SLC38A4: variants seen among roughly 807,000 people sequenced by gnomAD.
SLC38A4 encodes the protein sodium-coupled neutral amino acid transporter 4.
SLC38A4 carries 20 observed loss-of-function variants against 63.1 expected under a neutral mutation model. The observed-to-expected ratio is 0.32, with a 90% CI of 0.22 to 0.46. The LOEUF (loss-of-function observed/expected upper bound fraction) is 0.46. SLC38A4 is among the 20% of genes least tolerant of loss of function. The pLI, the probability that SLC38A4 is intolerant of heterozygous loss-of-function variation, is 1.00. For missense variants in SLC38A4, 526 were observed against 663.6 expected (o/e 0.79, Z 2.28); for synonymous variants, 230 against 225.5 (o/e 1.02, Z -0.18).
At chr12:46,831,461 C>T (rs1202601417) in intron 1 of SLC38A4, among the ~76,000 whole-genome samples, 2 of 152,262 alleles carry the variant, frequency 1.3e-5, no homozygotes, top group African/African-American at 4.8e-5. Flanking sequence ...ACTATCCGTC[C>T]CCGTTCGCAT....
intron 3 of SLC38A4, among the ~76,000 whole-genome samples, chr12:46,792,277 C>A (rs1045529885): frequency 1.3e-5 from 2 of 152,056 alleles, no homozygotes; most frequent in Admixed American, 6.6e-5. Context: ...TAAGGTCAAA[C>A]CAACTGGATA....
At chr12:46,810,379 G>A in intron 1 of SLC38A4, among the ~76,000 whole-genome samples, 1 of 151,802 alleles carries the variant, frequency 6.6e-6, no homozygotes. Flanking sequence ...TCACACACCG[G>A]GGCTGTCGGT....
At chr12:46,829,200 C>G (rs1026044399), upstream of SLC38A4, among the ~76,000 whole-genome samples, 35 of 152,122 alleles carry the variant, frequency 2.3e-4, no homozygotes, top group Middle Eastern at 6.3e-3. Flanking sequence ...CATTAAAGGG[C>G]TTAGTATAAA....
At chr12:46,786,195 A>G (rs1053327735) in intron 5 of SLC38A4, among the ~76,000 whole-genome samples, 1 of 152,124 alleles carries the variant, frequency 6.6e-6, no homozygotes, top group African/African-American at 2.4e-5. Flanking sequence ...AATGTAATTC[A>G]GATTATATAA....
intron 1 of SLC38A4, among the ~76,000 whole-genome samples, chr12:46,806,397 A>G (rs1248575669): frequency 6.6e-6 from 1 of 151,898 alleles, no homozygotes; most frequent in Non-Finnish European, 1.5e-5. Context: ...GAAAATCAGC[A>G]TAGTAAAAAT....
At chr12:46,829,568 G>T (rs1416977028), upstream of SLC38A4, among the ~76,000 whole-genome samples, 1 of 152,128 alleles carries the variant, frequency 6.6e-6, no homozygotes, top group Non-Finnish European at 1.5e-5. Flanking sequence ...TACTGTGATT[G>T]TCCTCACCAC....
intron 14 of SLC38A4, among the ~76,000 whole-genome samples, chr12:46,771,650 G>T (rs534819497): frequency 1.3e-5 from 2 of 152,108 alleles, no homozygotes; most frequent in Non-Finnish European, 2.9e-5. Context: ...CATTCCTGAA[G>T]AGAGCAACAG....
At chr12:46,768,568 A>T (rs1938345158) in intron 15 of SLC38A4, among the ~76,000 whole-genome samples, 161 bp from the exon 16 acceptor site, 2 of 152,156 alleles carry the variant, frequency 1.3e-5, no homozygotes, top group East Asian at 3.9e-4. Flanking sequence ...TTATTTATTC[A>T]TAGAAGATAT....
intron 1 of SLC38A4, among the ~76,000 whole-genome samples, chr12:46,812,673 C>T (rs1361306904): frequency 6.6e-6 from 1 of 151,946 alleles, no homozygotes; most frequent in Non-Finnish European, 1.5e-5. Flanking sequence ...AGGAATTTTA[C>T]AAACCTAAAA....
intron 6 of SLC38A4, 119 bp from the exon 7 acceptor site, chr12:46,784,753 A>G (rs1347490564): frequency 2.7e-6 from 2 of 740,604 alleles, no homozygotes; most frequent in Non-Finnish European, 4.3e-6. Context: ...TAGAAATTAT[A>G]AGCCCAAAAG....
chr12:46,780,364 T>C (rs371235252), intron 7 of SLC38A4, among the ~76,000 whole-genome samples: 170 of 152,138 alleles, frequency 1.1e-3, no homozygotes, highest in African/African-American at 3.9e-3. Context: ...TGTCTATAAC[T>C]TGGGCAGTAG....
intron 13 of SLC38A4, among the ~76,000 whole-genome samples, chr12:46,776,672 T>A (rs944313009): frequency 6.6e-6 from 1 of 152,078 alleles, no homozygotes; most frequent in African/African-American, 2.4e-5. Context: ...GTTTGAGGGA[T>A]ATTTTTTATA....
At chr12:46,803,561 A>G (rs1939173704) in intron 2 of SLC38A4, 42 bp downstream of exon 2, 1 of 152,092 alleles carries the variant, frequency 6.6e-6, no homozygotes, top group Non-Finnish European at 1.5e-5. Context: ...GAAAGTAAGC[A>G]TTATTTTAAC....
rs1250488331 is a variant in SLC38A4 at position 46,775,189 on chromosome 12, G to A, written c.1175-16C>T. 6.2e-7 allele frequency: 1 copy of A among 1,609,444 alleles called. No homozygotes were observed. The highest frequency in any genetic ancestry group is 2.2e-5 in the East Asian group (1 of 44,770). Reference sequence around the variant, plus strand: ...TCAACTTCTCCTACAACAGGAAAAAGAGAATGAAACCGCTTGGTGTTGTCA... The same window carrying A: ...TCAACTTCTCCTACAACAGGAAAAAAAGAATGAAACCGCTTGGTGTTGTCA... On this transcript the variant is annotated splice_polypyrimidine_tract_variant and intron_variant, in intron 13 of 16. Coordinates refer to ENST00000266579, the MANE Select transcript of SLC38A4 (RefSeq NM_018018.5).
intron 2 of SLC38A4, 127 bp downstream of exon 2, chr12:46,803,476 G>GA (rs572293007): frequency 1.3e-5 from 2 of 151,678 alleles, no homozygotes; most frequent in African/African-American, 4.8e-5. Flanking sequence ...CTAAAATGAG[G>GA]AAAAAAAGTT....
At chr12:46,770,883 T>TA (rs1938403866) in intron 14 of SLC38A4, among the ~76,000 whole-genome samples, 1 of 152,038 alleles carries the variant, frequency 6.6e-6, no homozygotes, top group Non-Finnish European at 1.5e-5. Context: ...GGGAACTCAT[T>TA]TAAAAGAGAG....
intron 1 of SLC38A4, among the ~76,000 whole-genome samples, chr12:46,817,668 C>T (rs1165443893): frequency 6.6e-6 from 1 of 151,876 alleles, no homozygotes; most frequent in African/African-American, 2.4e-5. Flanking sequence ...TCTCCTCTCA[C>T]TGTGCTTCCA....
chr12:46,768,470 C>G, intron 15 of SLC38A4, 63 bp from the exon 16 acceptor site: 2 of 1,156,950 alleles, frequency 1.7e-6, no homozygotes, highest in South Asian at 2.8e-5. Flanking sequence ...AAAGGAGATG[C>G]CAGCACACAC....
intron 10 of SLC38A4, among the ~76,000 whole-genome samples, chr12:46,779,367 T>G (rs1938593445): frequency 6.6e-6 from 1 of 151,900 alleles, no homozygotes. Context: ...AGTTTTCCTT[T>G]TTTCCCCATA....
Sources: gnomAD v4.1 joint callset for allele counts (sites outside exome capture counted in the v4.1 genomes callset) on GRCh38, gnomAD v4.1.1 for gene constraint, MANE v1.5 for transcripts, NCBI Gene and HGNC (gene_info 2026-07-23, HGNC 2026-07-21) for gene names.